Variants in CDH12 observed in about 807,000 individuals in gnomAD.
The protein encoded by CDH12 is cadherin 12, also known as cadherin-12.
In CDH12, 41 loss-of-function variants were observed where a neutral mutation model predicts 74.1. That is an observed-to-expected ratio of 0.55 (90% CI 0.43 to 0.72). CDH12 has a LOEUF of 0.72. Ranked by LOEUF, CDH12 falls within the 30% of genes least tolerant of loss-of-function variation. The pLI is 0.00. For missense variants in CDH12, 945 were observed against 977.2 expected (o/e 0.97, Z 0.44); for synonymous variants, 399 against 355.0 (o/e 1.12, Z -1.39).
chr5:22,269,271 T>C (rs1397240723), intron 3 of CDH12, among the ~76,000 whole-genome samples: 1 of 152,180 alleles, frequency 6.6e-6, no homozygotes, highest in Non-Finnish European at 1.5e-5. Context: ...ACCATTCTTT[T>C]GTGTAATTCA....
At position 22,561,844 on chromosome 5, in the gene CDH12, C is replaced by T. The variant is rs188066455; in HGVS notation, c.-522-56480G>A. Among the ~76,000 whole-genome samples, 306 of 152,198 alleles carry T rather than the reference C, an allele frequency of 2.0e-3. 4 individuals carry two copies. The South Asian group carries it at 0.037, about 19-fold the overall frequency. Reference sequence around the variant, plus strand: ...CTGGTAAAACTGGACTTGATTCACCCTTTAATCCTGGTATATACTCTCATG... The same window carrying T: ...CTGGTAAAACTGGACTTGATTCACCTTTTAATCCTGGTATATACTCTCATG... On this transcript the variant is annotated intron_variant, in intron 1 of 14. Transcript: ENST00000382254.
intron 1 of CDH12, among the ~76,000 whole-genome samples, chr5:22,689,641 A>C (rs1416841610): frequency 6.6e-6 from 1 of 152,136 alleles, no homozygotes; most frequent in Non-Finnish European, 1.5e-5. Flanking sequence ...AAAAGCTTAA[A>C]TTGATTGGGA....
At chr5:22,813,273 C>T (rs1749235298) in intron 1 of CDH12, among the ~76,000 whole-genome samples, 1 of 151,982 alleles carries the variant, frequency 6.6e-6, no homozygotes, top group Non-Finnish European at 1.5e-5. Flanking sequence ...GGACAGATTC[C>T]AAATTTTAAT....
intron 1 of CDH12, among the ~76,000 whole-genome samples, chr5:22,517,715 T>TA (rs1263176947): frequency 6.6e-6 from 1 of 152,214 alleles, no homozygotes; most frequent in Non-Finnish European, 1.5e-5. Flanking sequence ...TTTTTCAGCT[T>TA]ACGTTTATTT....
chr5:22,111,038 G>A (rs1744783733), intron 4 of CDH12, among the ~76,000 whole-genome samples: 1 of 152,132 alleles, frequency 6.6e-6, no homozygotes, highest in African/African-American at 2.4e-5. Context: ...TTAACTCCTT[G>A]AGTGCGCAAC....
Position 22,170,359 on chromosome 5 carries a change from A to T in CDH12, c.-187+42139T>A, listed in dbSNP as rs1383865452. On this transcript the variant is annotated intron_variant, in intron 4 of 14. Coordinates refer to ENST00000382254, the MANE Select transcript of CDH12 (RefSeq NM_004061.5). ...TTGAATAATTCAACTGACTTTTCAC[A>T]TTTCACATACTAACATTTCCTGAAT... 3.3e-5 allele frequency among the ~76,000 whole-genome samples: 5 copies of T among 151,890 alleles called. No individual in the cohort carries two copies. The East Asian group carries it at 9.6e-4, about 29-fold the overall frequency.
chr5:22,439,170 A>G (rs183610385), intron 2 of CDH12, among the ~76,000 whole-genome samples: 40 of 152,058 alleles, frequency 2.6e-4, no homozygotes, highest in Non-Finnish European at 1.0e-4. Flanking sequence ...AATTGACTCT[A>G]TTATCTGATT....
rs375789289 is a variant in CDH12 at position 22,217,549 on chromosome 5, G to A, written c.-332-4906C>T. ...TTTGCATTTTAGACCTTTCTTGTTA[G>A]CTCTGATTTATTCTATTTTGTATCT... is the stretch of plus-strand genomic sequence containing the variant. On this transcript the variant is annotated intron_variant, in intron 3 of 14. Coordinates refer to ENST00000382254, the MANE Select transcript of CDH12 (RefSeq NM_004061.5). Among the ~76,000 whole-genome samples the A allele has an allele frequency of 3.4e-4, 52 of 151,662 alleles. No homozygotes were observed. The South Asian group carries it at 0.011, about 31-fold the overall frequency.
At chr5:22,297,627 G>T (rs966403338) in intron 3 of CDH12, among the ~76,000 whole-genome samples, 1 of 152,088 alleles carries the variant, frequency 6.6e-6, no homozygotes, top group South Asian at 2.1e-4. Flanking sequence ...GATTGTATTT[G>T]TATTCCTAAT....
chr5:22,327,714 C>T (rs539716027), intron 3 of CDH12, among the ~76,000 whole-genome samples: 83 of 152,268 alleles, frequency 5.5e-4, no homozygotes, highest in African/African-American at 1.9e-3. Context: ...TCTTTTCTGT[C>T]TTCTTCTTTT....
At chr5:22,510,695 A>C (rs1736565819) in intron 1 of CDH12, among the ~76,000 whole-genome samples, 1 of 152,132 alleles carries the variant, frequency 6.6e-6, no homozygotes, top group African/African-American at 2.4e-5. Context: ...TTGCTATGTC[A>C]TATTGATATT....
rs564557912 is a variant in CDH12 at position 22,352,015 on chromosome 5, G to T, written c.-333+53242C>A. Among the ~76,000 whole-genome samples, 4 of 152,062 alleles carry T rather than the reference G, an allele frequency of 2.6e-5. No individual in the cohort carries two copies. The South Asian group carries it at 6.2e-4, about 24-fold the overall frequency. On this transcript the variant is annotated intron_variant, in intron 3 of 14. Transcript: ENST00000382254. ...TGTCATATCAAATTTAATTTTTGAT[G>T]CCACTATTTACTTTCCACTTTATAA...
chr5:22,825,274 A>G (rs1371927489), intron 1 of CDH12, among the ~76,000 whole-genome samples: 1 of 150,216 alleles, frequency 6.7e-6, no homozygotes, highest in Non-Finnish European at 1.5e-5. Context: ...ATACTTACAC[A>G]TATATAATTT....
intron 3 of CDH12, among the ~76,000 whole-genome samples, chr5:22,335,067 G>A (rs1012874066): frequency 1.1e-4 from 16 of 152,048 alleles, no homozygotes; most frequent in Non-Finnish European, 1.5e-5. Context: ...ACAACCCACA[G>A]AATGGGAGAA....
intron 3 of CDH12, among the ~76,000 whole-genome samples, chr5:22,235,904 T>C (rs145268689): frequency 0.01 from 1,529 of 152,326 alleles, 18 homozygotes; most frequent in Non-Finnish European, 0.015. Flanking sequence ...ACTACACACC[T>C]GGGCTATATG....
At chr5:21,817,392 A>T (rs1748118184) in intron 8 of CDH12, among the ~76,000 whole-genome samples, 1 of 152,110 alleles carries the variant, frequency 6.6e-6, no homozygotes, top group African/African-American at 2.4e-5. Context: ...TATTAGCAGG[A>T]CTTGTTTTAC....
At chr5:21,976,644 C>A (rs1757084241) in intron 5 of CDH12, among the ~76,000 whole-genome samples, 1 of 151,608 alleles carries the variant, frequency 6.6e-6, no homozygotes, top group Non-Finnish European at 1.5e-5. Flanking sequence ...TTGGGTATAG[C>A]CATTTGATTT....
rs544172302 is a variant in CDH12, at chr5:22,114,689, T to C, written c.-186-35827A>G. On this transcript the variant is annotated intron_variant, in intron 4 of 14. Coordinates refer to ENST00000382254, the MANE Select transcript of CDH12 (RefSeq NM_004061.5). ...CTTAATTTTTGGGGAAGAGTAGTGT[T>C]GTGGTTTCCATATATGGAATCAGTG... Among the ~76,000 whole-genome samples, 134 of 152,316 alleles carry C rather than the reference T, an allele frequency of 8.8e-4. 1 individual carries two copies. Among genetic ancestry groups the C allele is most frequent in the African/African-American group, 3.1e-3 (127 of 41,570 alleles).
intron 1 of CDH12, among the ~76,000 whole-genome samples, chr5:22,840,363 C>A (rs1737029317): frequency 6.6e-6 from 1 of 152,016 alleles, no homozygotes; most frequent in African/African-American, 2.4e-5. Flanking sequence ...ACCTTGTAAT[C>A]CAGCTGCCTT....
Sources: allele counts gnomAD v4.1 joint callset (sites outside exome capture counted in the v4.1 genomes callset), GRCh38; gene constraint gnomAD v4.1.1; transcripts MANE v1.5; gene names NCBI Gene and HGNC (gene_info 2026-07-23, HGNC 2026-07-21).